DNER: variants seen among roughly 807,000 people sequenced by gnomAD.
DNER encodes the protein delta and Notch-like epidermal growth factor-related receptor.
Under a neutral mutation model 78.2 loss-of-function variants are expected in DNER, and 33 were observed. That is an observed-to-expected ratio of 0.42 (90% CI 0.32 to 0.56). The LOEUF (loss-of-function observed/expected upper bound fraction) is 0.56, where lower values mean the gene tolerates loss of function less well. DNER is among the 20% of genes least tolerant of loss of function. The probability of loss-of-function intolerance (pLI) is 0.11; values close to 1 mark genes in which losing one functional copy is unlikely to be tolerated. For missense variants in DNER, 918 were observed against 975.3 expected (o/e 0.94, Z 0.78); for synonymous variants, 417 against 384.8 (o/e 1.08, Z -0.98).
intron 10 of DNER, among the ~76,000 whole-genome samples, chr2:229,395,440 G>A (rs969451277): frequency 1.3e-5 from 2 of 152,186 alleles, no homozygotes; most frequent in African/African-American, 2.4e-5. Flanking sequence ...TTGCAGTGAC[G>A]TGCACCGTGG....
chr2:229,413,695 T>C (rs1431981435), intron 9 of DNER, among the ~76,000 whole-genome samples: 2 of 151,354 alleles, frequency 1.3e-5, no homozygotes, highest in Non-Finnish European at 2.9e-5. Flanking sequence ...TTTAGGAGGA[T>C]AAATATATAT....
intron 5 of DNER, among the ~76,000 whole-genome samples, chr2:229,524,320 A>C (rs1207028704): frequency 1.3e-5 from 2 of 152,224 alleles, no homozygotes; most frequent in African/African-American, 2.4e-5. Context: ...GTTAGGCCTC[A>C]CTTCCGTAAT....
intron 1 of DNER, among the ~76,000 whole-genome samples, chr2:229,653,485 G>GT (rs1214851977): frequency 2.0e-5 from 3 of 152,124 alleles, no homozygotes; most frequent in Non-Finnish European, 4.4e-5. Context: ...TCACTCTACA[G>GT]TTTTTCTTCT....
chr2:229,577,323 C>T (rs1697320491), intron 4 of DNER, among the ~76,000 whole-genome samples: 1 of 152,110 alleles, frequency 6.6e-6, no homozygotes, highest in South Asian at 2.1e-4. Flanking sequence ...GAATGCAGGG[C>T]CTGACATTAT....
chr2:229,500,634 A>C (rs563031631), intron 6 of DNER, among the ~76,000 whole-genome samples: 3 of 152,210 alleles, frequency 2.0e-5, no homozygotes, highest in Non-Finnish European at 4.4e-5. Flanking sequence ...ATTCAGTCTA[A>C]GTATCCATCA....
chr2:229,572,179 C>T (rs935365152), intron 4 of DNER, among the ~76,000 whole-genome samples: 10 of 152,182 alleles, frequency 6.6e-5, no homozygotes, highest in Admixed American at 6.5e-4. Context: ...CCCCAAATGC[C>T]TTTCCCTCTC....
intron 6 of DNER, among the ~76,000 whole-genome samples, chr2:229,505,579 G>A (rs1695722112): frequency 6.6e-6 from 1 of 152,122 alleles, no homozygotes; most frequent in Non-Finnish European, 1.5e-5. Context: ...CAGATGACAG[G>A]AGAGCTACAG....
At position 229,459,879 on chromosome 2, in the gene DNER, C is replaced by T. The variant is rs138084208; in HGVS notation, c.1262-12339G>A. On this transcript the variant is annotated intron_variant, in intron 7 of 12. Coordinates refer to ENST00000341772, the MANE Select transcript of DNER (RefSeq NM_139072.4). ...CCATCTCAAAACAAAAAAAAGAGGC[C>T]GGGCACGGTGGCTCACGCCTGTAAT... Among the ~76,000 whole-genome samples, 1,406 of 151,746 alleles carry T rather than the reference C, an allele frequency of 9.3e-3. 42 individuals are homozygous for T. The highest frequency in any genetic ancestry group is 0.032 in the African/African-American group (1,335 of 41,248).
intron 1 of DNER, among the ~76,000 whole-genome samples, chr2:229,620,183 G>A (rs1055800669): frequency 3.3e-5 from 5 of 152,152 alleles, no homozygotes; most frequent in Admixed American, 6.5e-5. Flanking sequence ...CTCCTGGGCC[G>A]GAATGTGATA....
intron 1 of DNER, among the ~76,000 whole-genome samples, chr2:229,630,737 C>T (rs1301786495): frequency 6.6e-6 from 1 of 151,890 alleles, no homozygotes; most frequent in Non-Finnish European, 1.5e-5. Flanking sequence ...ATCCCATCAC[C>T]CAGGTAGTGA....
intron 1 of DNER, among the ~76,000 whole-genome samples, chr2:229,711,178 G>C (rs952056352): frequency 6.6e-6 from 1 of 152,084 alleles, no homozygotes; most frequent in Admixed American, 6.6e-5. Context: ...CAGGGCAGGA[G>C]TTTGCATGGT....
chr2:229,646,715 T>C (rs1698725325), intron 1 of DNER, among the ~76,000 whole-genome samples: 1 of 152,268 alleles, frequency 6.6e-6, no homozygotes, highest in African/African-American at 2.4e-5. Context: ...ATCCACTTAC[T>C]GAATGCACAC....
At chr2:229,389,460 GA>G (rs1383532617) in intron 10 of DNER, among the ~76,000 whole-genome samples, 2 of 151,864 alleles carry the variant, frequency 1.3e-5, no homozygotes, top group Non-Finnish European at 2.9e-5. Flanking sequence ...ACGAGAAAAA[GA>G]AATTTTCAAA....
chr2:229,366,573 A>T (rs915408236), intron 12 of DNER, among the ~76,000 whole-genome samples: 6 of 152,244 alleles, frequency 3.9e-5, no homozygotes, highest in Admixed American at 2.6e-4. Context: ...AATTCAACAA[A>T]AAAAGTTTTC....
chr2:229,608,165 T>C (rs1035354279), intron 1 of DNER, among the ~76,000 whole-genome samples: 14 of 152,210 alleles, frequency 9.2e-5, no homozygotes, highest in African/African-American at 3.4e-4. Flanking sequence ...GAATTCCAGA[T>C]GGATTTTGTA....
chr2:229,436,559 TCACCTA>T (rs1387368383), intron 8 of DNER, among the ~76,000 whole-genome samples: 23 of 152,168 alleles, frequency 1.5e-4, no homozygotes, highest in Admixed American at 5.2e-4. Context: ...AAGGAGCAGG[TCACCTA>T]CAAAGTGAAC....
At position 229,366,876 on chromosome 2, in the gene DNER, G is replaced by T. The variant is rs1251159487; in HGVS notation, c.2099C>A (p.Ala700Asp). ...CCACGCCGCCCCCACAGCCAACCTG[G>T]CATGCCGGATGGATGCAATGGCATT... The part of the protein sequence containing the change: ...FSNAIASIRH[A>D]RFGKKSRPAM... The change falls in exon 12 of 13, where the codon GCC (alanine) becomes GAC (aspartate). Residue 700 changes from alanine (A) to aspartate (D), a missense_variant. Ala to Asp is a moderately radical substitution (Grantham distance 126). Coordinates refer to ENST00000341772, the MANE Select transcript of DNER (RefSeq NM_139072.4). The T allele has an allele frequency of 1.9e-6, 3 of 1,613,958 alleles. No homozygotes were observed. The highest frequency in any genetic ancestry group is 1.7e-6 in the Non-Finnish European group (2 of 1,180,030).
At chr2:229,453,920 T>A (rs1418230119) in intron 7 of DNER, among the ~76,000 whole-genome samples, 15 of 106,858 alleles carry the variant, frequency 1.4e-4, no homozygotes, top group Non-Finnish European at 2.5e-4. Flanking sequence ...TAAAATATAT[T>A]AAAAAAAAAA....
At chr2:229,456,411 C>A (rs1275921648) in intron 7 of DNER, among the ~76,000 whole-genome samples, 1 of 151,486 alleles carries the variant, frequency 6.6e-6, no homozygotes. Context: ...GGACAAACAT[C>A]TAAACCACAC....
Sources: gnomAD v4.1 joint callset for allele counts (sites outside exome capture counted in the v4.1 genomes callset) on GRCh38, gnomAD v4.1.1 for gene constraint, MANE v1.5 for transcripts, NCBI Gene and HGNC (gene_info 2026-07-23, HGNC 2026-07-21) for gene names.